C2CD5: variants seen among roughly 807,000 people sequenced by gnomAD.
C2CD5 encodes C2 domain-containing protein 5.
In C2CD5, 109 loss-of-function variants were observed where a neutral mutation model predicts 130.3. The observed-to-expected ratio is 0.84, with a 90% CI of 0.72 to 0.98. The LOEUF (loss-of-function observed/expected upper bound fraction) is 0.98. Among genes scored for constraint, C2CD5 ranks in the 50% least tolerant of loss-of-function variants. The pLI is 0.00. For missense variants in C2CD5, 996 were observed against 1,261.8 expected (o/e 0.79, Z 3.19); for synonymous variants, 454 against 429.2 (o/e 1.06, Z -0.71).
chr12:22,516,568 AAAGAAAC>A (rs1354056734), intron 8 of C2CD5, among the ~76,000 whole-genome samples: 8 of 151,106 alleles, frequency 5.3e-5, no homozygotes, highest in Non-Finnish European at 1.0e-4. Flanking sequence ...ATTAAAAAAA[AAAGAAAC>A]AAGAAACAAG....
At chr12:22,470,148 A>G (rs987787104) in intron 21 of C2CD5, among the ~76,000 whole-genome samples, 12 of 152,266 alleles carry the variant, frequency 7.9e-5, no homozygotes, top group African/African-American at 2.6e-4. Context: ...TCTTTGATAA[A>G]TATCTGAACA....
intron 8 of C2CD5, among the ~76,000 whole-genome samples, chr12:22,517,349 C>T (rs1949837881): frequency 6.6e-6 from 1 of 151,554 alleles, no homozygotes; most frequent in African/African-American, 2.4e-5. Flanking sequence ...GTATAAAGAA[C>T]TAATCTGATT....
chr12:22,527,334 T>A (rs187191684), intron 4 of C2CD5, among the ~76,000 whole-genome samples: 7,801 of 126,720 alleles, frequency 0.062, 214 homozygotes, highest in African/African-American at 0.095. Context: ...ATATATATTT[T>A]TTTTTTTTTT....
intron 7 of C2CD5, chr12:22,518,977 C>G: frequency 1.5e-6 from 1 of 667,000 alleles, no homozygotes; most frequent in Non-Finnish European, 2.4e-6. Flanking sequence ...AAGTTCCTCA[C>G]TGCAGCTGGA....
chr12:22,512,983 T>G (rs12303966), intron 9 of C2CD5, among the ~76,000 whole-genome samples: 24,175 of 151,980 alleles, frequency 0.16, 3,821 homozygotes, highest in African/African-American at 0.41. Context: ...TTCTGCAAAA[T>G]GTTTACCATC....
intron 2 of C2CD5, among the ~76,000 whole-genome samples, chr12:22,541,895 T>G (rs562596983): frequency 2.0e-5 from 3 of 152,306 alleles, no homozygotes; most frequent in African/African-American, 7.2e-5. Flanking sequence ...ACCATGTATA[T>G]ACATCGGCTA....
intron 7 of C2CD5, among the ~76,000 whole-genome samples, chr12:22,520,723 C>CT (rs1234136657): frequency 1.3e-5 from 2 of 151,890 alleles, no homozygotes; most frequent in Non-Finnish European, 2.9e-5. Flanking sequence ...TCTCGTAGTA[C>CT]TTTTTTTAAG....
intron 9 of C2CD5, 40 bp from the exon 10 acceptor site, chr12:22,506,859 G>A (rs372170678): frequency 1.6e-6 from 2 of 1,245,136 alleles, no homozygotes; most frequent in Non-Finnish European, 2.4e-6. Context: ...CTTATCGTGT[G>A]TAGAGTGTAA....
At chr12:22,481,648 CCTTTTTT>C (rs1944721889) in intron 14 of C2CD5, among the ~76,000 whole-genome samples, 1 of 144,976 alleles carries the variant, frequency 6.9e-6, no homozygotes, top group South Asian at 2.2e-4. Context: ...AAGAAACACA[CCTTTTTT>C]TTTTTTTTTT....
At position 22,458,545 on chromosome 12, in the gene C2CD5, G is replaced by A. The variant is rs1940436000; in HGVS notation, c.2625C>T (p.Ser875=). The change falls in exon 24 of 27, where the codon AGC becomes AGT. Residue 875 remains serine, a synonymous_variant. Transcript: ENST00000446597. ...TCAGTTTAATGAGCTCTATCCAGCT[G>A]CTGCATCTGTCTGCAAAGGAACTGT... ...VDYSSFADRC[S]SWIELIKLKA... The A allele has an allele frequency of 7.7e-7, 1 of 1,307,056 alleles. No individual in the cohort carries two copies. 81.0% of individuals were successfully genotyped at this position (1,307,056 alleles called of 1,614,324 possible).
At chr12:22,487,580 A>C (rs1271056427) in intron 12 of C2CD5, among the ~76,000 whole-genome samples, 6 of 152,144 alleles carry the variant, frequency 3.9e-5, no homozygotes, top group Non-Finnish European at 7.3e-5. Flanking sequence ...GTGGAGAAAT[A>C]GGAACACTTT....
intron 10 of C2CD5, among the ~76,000 whole-genome samples, chr12:22,505,538 T>C (rs888042120): frequency 1.3e-5 from 2 of 152,164 alleles, no homozygotes; most frequent in African/African-American, 4.8e-5. Context: ...ATTTAAAATT[T>C]TCAAAAATAT....
rs566015646 is a variant in C2CD5, at chr12:22,544,235, G to T, written c.-29-56C>A. 3.6e-6 allele frequency: 5 copies of T among 1,378,782 alleles called. No individual in the cohort carries two copies. In the Admixed American group the frequency reaches 7.6e-5, roughly 21 times the overall value. The allele number at this position is 1,378,782 out of a possible 1,614,324, so 85.4% of individuals were successfully genotyped here. A position where few individuals can be genotyped will look rare whatever the true frequency, so the allele number is the denominator to read the frequency against. On this transcript the variant is annotated intron_variant, in intron 1 of 26. Transcript: ENST00000446597. ...AGCGCGGGGCCGGCGGGAGAGGGGC[G>T]GAGGCGCGCGGGGTAACTGACAGCG...
In C2CD5 at chr12:22,525,600, A is replaced by T; in HGVS notation, c.445+10T>A. 8.1e-7 allele frequency: 1 copy of T among 1,239,396 alleles called. No homozygotes were observed. The highest frequency in any genetic ancestry group is 1.2e-6 in the Non-Finnish European group (1 of 839,812). 76.8% of individuals were successfully genotyped at this position (1,239,396 alleles called of 1,614,324 possible). A position where few individuals can be genotyped will look rare whatever the true frequency, so the allele number is the denominator to read the frequency against. ...CATTTCCTGTTGAGTAATAGAATGT[A>T]TTTACTTACTGCAAAAGAATTTGAC... On this transcript the variant is annotated intron_variant, in intron 5 of 26. Transcript: ENST00000446597.
chr12:22,484,603 G>A (rs1353479006), intron 13 of C2CD5, 94 bp downstream of exon 13: 3 of 585,882 alleles, frequency 5.1e-6, no homozygotes, highest in Non-Finnish European at 8.6e-6. Context: ...GATCAAACAG[G>A]TAGGAAACAG....
intron 15 of C2CD5, among the ~76,000 whole-genome samples, chr12:22,477,527 T>C (rs923039512): frequency 2.0e-5 from 3 of 152,178 alleles, no homozygotes; most frequent in African/African-American, 7.2e-5. Flanking sequence ...TTTTTTTAAT[T>C]ATACTTTAAG....
At chr12:22,482,371 C>G (rs1443411928) in intron 14 of C2CD5, among the ~76,000 whole-genome samples, 186 bp downstream of exon 14, 1 of 152,174 alleles carries the variant, frequency 6.6e-6, no homozygotes, top group East Asian at 1.9e-4. Flanking sequence ...GTTGTGATCA[C>G]AGTCCCTTTA....
chr12:22,529,429 A>G (rs1187613249), intron 3 of C2CD5, among the ~76,000 whole-genome samples: 1 of 152,006 alleles, frequency 6.6e-6, no homozygotes, highest in African/African-American at 2.4e-5. Context: ...TCTGAGTATT[A>G]TTTTTTCTCA....
At chr12:22,482,935 G>A (rs961795674) in intron 13 of C2CD5, among the ~76,000 whole-genome samples, 192 bp from the exon 14 acceptor site, 27 of 151,836 alleles carry the variant, frequency 1.8e-4, no homozygotes, top group Admixed American at 1.6e-3. Context: ...TTTCATAACA[G>A]GTACAAAAAA....
Sources: allele counts gnomAD v4.1 joint callset (sites outside exome capture counted in the v4.1 genomes callset), GRCh38; gene constraint gnomAD v4.1.1; transcripts MANE v1.5; gene names NCBI Gene and HGNC (gene_info 2026-07-23, HGNC 2026-07-21).